NEDD9: variants seen among roughly 807,000 people sequenced by gnomAD.
NEDD9 encodes the protein neural precursor cell expressed, developmentally down-regulated 9.
In NEDD9, 26 loss-of-function variants were observed where a neutral mutation model predicts 76.6. The ratio of observed to expected loss-of-function variants is 0.34; its 90% CI spans 0.25 to 0.47. The LOEUF (loss-of-function observed/expected upper bound fraction) is 0.47. Ranked by LOEUF, NEDD9 falls within the 20% of genes least tolerant of loss-of-function variation. NEDD9 has a pLI of 1.00. For missense variants in NEDD9, 937 were observed against 1,058.5 expected, an observed-to-expected ratio of 0.89 and a Z score of 1.59; for synonymous variants, 392 against 414.2, an observed-to-expected ratio of 0.95 and a Z score of 0.65.
At chr6:11,369,703 A>G (rs969915761) in intron 1 of NEDD9, among the ~76,000 whole-genome samples, 9 of 152,252 alleles carry the variant, frequency 5.9e-5, no homozygotes, top group Admixed American at 5.9e-4. Context: ...CTACAATGAG[A>G]TAGATAAAAA....
chr6:11,255,564 G>A (rs1300270684), intron 3 of NEDD9, among the ~76,000 whole-genome samples: 1 of 152,026 alleles, frequency 6.6e-6, no homozygotes, highest in Non-Finnish European at 1.5e-5. Flanking sequence ...ATGTGTGAAG[G>A]CCCCGTGGCA....
In NEDD9 at chr6:11,191,205, C is replaced by A; in HGVS notation, c.664G>T (p.Val222Leu). The A allele has an allele frequency of 1.9e-6, 3 of 1,579,064 alleles. No homozygotes were observed. Among genetic ancestry groups the A allele is most frequent in the Non-Finnish European group, 2.6e-6 (3 of 1,163,510 alleles). Residue 222 changes from valine to leucine, a missense_variant and splice_region_variant, in exon 5 of 7, where the codon GTA becomes TTA. Val to Leu is a conservative substitution (Grantham distance 32). Coordinates refer to ENST00000379446, the MANE Select transcript of NEDD9 (RefSeq NM_006403.4). ...GVYDIPPTKG[V>L]YAIPPSACRD... ...CAAGCAGAGGGCGGAATGGCATATACCTGCAAAGCAAGTAGAAAGCGAAAT... is the reference window on the plus strand; with the variant it reads ...CAAGCAGAGGGCGGAATGGCATATAACTGCAAAGCAAGTAGAAAGCGAAAT...
chr6:11,294,982 A>C (rs893081103), intron 3 of NEDD9, among the ~76,000 whole-genome samples: 3 of 152,236 alleles, frequency 2.0e-5, no homozygotes, highest in Non-Finnish European at 4.4e-5. Context: ...TGTAAAGGGC[A>C]GTTCCACTAC....
At chr6:11,234,354 A>G (rs1034561085), upstream of NEDD9, among the ~76,000 whole-genome samples, 6 of 152,224 alleles carry the variant, frequency 3.9e-5, no homozygotes, top group African/African-American at 1.4e-4. Flanking sequence ...CTGTAAGATG[A>G]GTCTTGCGGC....
chr6:11,375,738 C>T lies in NEDD9; in HGVS notation c.-214+6401G>A, dbSNP rs530964866. Among the ~76,000 whole-genome samples, 175 of 152,318 alleles carry T rather than the reference C, an allele frequency of 1.1e-3. 3 individuals are homozygous for T. The South Asian group carries it at 0.025, about 22-fold the overall frequency. On this transcript the variant is annotated intron_variant, in intron 1 of 3. Coordinates refer to the NEDD9 transcript ENST00000397378. ...GCTCCTCCTTCCGCCATGATTGTAA[C>T]CTTCCTGAGGCCTCACCCGAAGCAG... is the stretch of plus-strand genomic sequence containing the variant.
intron 1 of NEDD9, among the ~76,000 whole-genome samples, chr6:11,335,692 C>T (rs1237030721): frequency 2.6e-5 from 4 of 152,170 alleles, no homozygotes; most frequent in Non-Finnish European, 4.4e-5. Context: ...AAAGCACAGA[C>T]CTTTATGCTA....
At chr6:11,352,957 C>G (rs1341609503) in intron 1 of NEDD9, among the ~76,000 whole-genome samples, 2 of 152,254 alleles carry the variant, frequency 1.3e-5, no homozygotes, top group African/African-American at 4.8e-5. Flanking sequence ...ATGTGGCACA[C>G]AGTAGGCTCT....
At chr6:11,219,986 GA>G in intron 1 of NEDD9, among the ~76,000 whole-genome samples, 1 of 152,342 alleles carries the variant, frequency 6.6e-6, no homozygotes, top group Middle Eastern at 3.4e-3. Flanking sequence ...TCACAGGCAT[GA>G]AGCTTTCAAT....
At chr6:11,327,374 A>G (rs900650818) in intron 2 of NEDD9, among the ~76,000 whole-genome samples, 1 of 152,196 alleles carries the variant, frequency 6.6e-6, no homozygotes, top group Non-Finnish European at 1.5e-5. Flanking sequence ...ATAACCAGTT[A>G]TTGCACCGCG....
At chr6:11,217,554 A>G (rs945362002) in intron 1 of NEDD9, among the ~76,000 whole-genome samples, 1 of 152,234 alleles carries the variant, frequency 6.6e-6, no homozygotes, top group Non-Finnish European at 1.5e-5. Flanking sequence ...TTGGCAAAAC[A>G]CCAAAACAGT....
chr6:11,199,539 CCTTTTGA>C (rs1437934607), intron 2 of NEDD9: 1 of 149,248 alleles, frequency 6.7e-6, no homozygotes, highest in African/African-American at 2.5e-5. Flanking sequence ...ATAGATTTTA[CCTTTTGA>C]CTTTGACTTC....
At chr6:11,277,809 G>C (rs1244831258) in intron 3 of NEDD9, among the ~76,000 whole-genome samples, 1 of 152,188 alleles carries the variant, frequency 6.6e-6, no homozygotes, top group Non-Finnish European at 1.5e-5. Context: ...TAGGGCAATA[G>C]GGACTTTCTT....
chr6:11,273,613 G>A (rs1175593654), intron 3 of NEDD9, among the ~76,000 whole-genome samples: 1 of 152,168 alleles, frequency 6.6e-6, no homozygotes, highest in African/African-American at 2.4e-5. Flanking sequence ...ATTCCGTCTT[G>A]CCAGTGGCTT....
At chr6:11,287,154 C>T (rs1027950156) in intron 3 of NEDD9, among the ~76,000 whole-genome samples, 21 of 152,280 alleles carry the variant, frequency 1.4e-4, no homozygotes, top group East Asian at 9.6e-4. Context: ...AGGCTGGGCG[C>T]GGTGGCTCAC....
intron 1 of NEDD9, among the ~76,000 whole-genome samples, chr6:11,334,888 G>A (rs575045922): frequency 6.8e-4 from 104 of 152,308 alleles, no homozygotes; most frequent in Middle Eastern, 6.8e-3. Context: ...ACAGTGCAGT[G>A]GTGGTTCAAG....
chr6:11,377,080 C>T (rs1458346618), intron 1 of NEDD9, among the ~76,000 whole-genome samples: 1 of 152,232 alleles, frequency 6.6e-6, no homozygotes, highest in Admixed American at 6.5e-5. Context: ...TGGCTTCCAC[C>T]TAGATTCCAG....
chr6:11,378,658 T>G (rs1332165561), intron 1 of NEDD9, among the ~76,000 whole-genome samples: 15 of 152,236 alleles, frequency 9.9e-5, no homozygotes. Context: ...TGTTACAATA[T>G]TTAAAAATTT....
At chr6:11,298,971 A>G (rs1431921790) in intron 3 of NEDD9, among the ~76,000 whole-genome samples, 2 of 152,218 alleles carry the variant, frequency 1.3e-5, no homozygotes, top group Admixed American at 6.5e-5. Flanking sequence ...CACCTGATTC[A>G]TCTCACTGGG....
chr6:11,302,365 C>A (rs926747539), intron 3 of NEDD9, among the ~76,000 whole-genome samples: 1 of 152,128 alleles, frequency 6.6e-6, no homozygotes, highest in South Asian at 2.1e-4. Context: ...GAAATTGAGG[C>A]AATAATTAAT....
Sources: gnomAD v4.1 joint callset for allele counts (sites outside exome capture counted in the v4.1 genomes callset) on GRCh38, gnomAD v4.1.1 for gene constraint, MANE v1.5 for transcripts, NCBI Gene and HGNC (gene_info 2026-07-23, HGNC 2026-07-21) for gene names.